SGIP1: variants seen among roughly 807,000 people sequenced by gnomAD.
The protein encoded by SGIP1 is SH3-containing GRB2-like protein 3-interacting protein 1.
SGIP1 carries 38 observed loss-of-function variants against 107.5 expected under a neutral mutation model. That is an observed-to-expected ratio of 0.35 (90% CI 0.27 to 0.46). The LOEUF (loss-of-function observed/expected upper bound fraction) is 0.46. SGIP1 is among the 20% of genes least tolerant of loss of function. The pLI, the probability that SGIP1 is intolerant of heterozygous loss-of-function variation, is 1.00. For synonymous variants in SGIP1, 365 were observed against 366.1 expected (o/e 1.00, Z 0.03); for missense variants, 929 against 1,019.5 (o/e 0.91, Z 1.21).
intron 19 of SGIP1, among the ~76,000 whole-genome samples, chr1:66,726,378 C>G (rs74085066): frequency 0.012 from 1,846 of 152,124 alleles, 40 homozygotes; most frequent in African/African-American, 0.042. Flanking sequence ...GACATTGACA[C>G]GGTGATTATA....
chr1:66,684,720 T>G (rs190903316), intron 15 of SGIP1, among the ~76,000 whole-genome samples: 38 of 152,342 alleles, frequency 2.5e-4, no homozygotes, highest in Non-Finnish European at 1.8e-4. Context: ...TTCATAAAGC[T>G]CTCGAAGATA....
At chr1:66,597,909 A>G (rs2065028885) in intron 1 of SGIP1, among the ~76,000 whole-genome samples, 1 of 152,182 alleles carries the variant, frequency 6.6e-6, no homozygotes, top group South Asian at 2.1e-4. Flanking sequence ...GTAATTTTGC[A>G]TTAAAATACA....
At chr1:66,681,781 A>G (rs1440516964) in intron 14 of SGIP1, 88 bp from the exon 15 acceptor site, 19 of 1,384,800 alleles carry the variant, frequency 1.4e-5, no homozygotes, top group Admixed American at 2.1e-5. Context: ...TCAGACACCA[A>G]TGTATTTTCC....
chr1:66,646,850 T>C (rs2077758834), intron 7 of SGIP1, among the ~76,000 whole-genome samples: 1 of 152,158 alleles, frequency 6.6e-6, no homozygotes, highest in South Asian at 2.1e-4. Flanking sequence ...AGAAATAAAA[T>C]ATAATGTTGG....
At chr1:66,688,379 G>A (rs2088995428) in intron 15 of SGIP1, among the ~76,000 whole-genome samples, 1 of 152,222 alleles carries the variant, frequency 6.6e-6, no homozygotes, top group Admixed American at 6.5e-5. Flanking sequence ...TGATGTGCAT[G>A]CCAGCCTCTG....
At chr1:66,679,900 T>A (rs1012783717) in intron 14 of SGIP1, 148 bp downstream of exon 14, 2 of 647,408 alleles carry the variant, frequency 3.1e-6, no homozygotes, top group South Asian at 3.8e-5. Flanking sequence ...GAATTTCTTA[T>A]GCAGACTTAT....
intron 3 of SGIP1, 150 bp from the exon 4 acceptor site, chr1:66,635,794 C>A: frequency 5.4e-6 from 4 of 736,732 alleles, no homozygotes; most frequent in Non-Finnish European, 8.8e-6. Context: ...GCTTAAGGAA[C>A]CCTGCCAAGA....
intron 18 of SGIP1, among the ~76,000 whole-genome samples, chr1:66,701,295 T>C (rs2091874959): frequency 6.6e-6 from 1 of 152,022 alleles, no homozygotes. Flanking sequence ...AAGTGGGAGG[T>C]GTTTGCTAAT....
upstream of SGIP1, chr1:66,533,699 A>C: frequency 6.6e-6 from 1 of 152,606 alleles, no homozygotes; most frequent in East Asian, 1.9e-4. Context: ...ATGGGAGCTT[A>C]GAAGTGTGTT....
chr1:66,658,134 T>G lies in SGIP1; in HGVS notation c.460-2379T>G, dbSNP rs2149661797. On this transcript the variant is annotated intron_variant, in intron 7 of 24. Transcript: ENST00000371037. ...ATTTGTGTGTTCATGTTTAGTCTTC[T>G]GATTTTAATTAAATAAGATGCATTT... 1.3e-5 allele frequency among the ~76,000 whole-genome samples: 2 copies of G among 152,340 alleles called. 1 individual carries two copies. Among genetic ancestry groups the G allele is most frequent in the Admixed American group, 1.3e-4 (2 of 15,298 alleles).
chr1:66,643,503 C>A lies in SGIP1; in HGVS notation c.284-41C>A. The A allele has an allele frequency of 1.9e-6, 3 of 1,553,022 alleles. No homozygotes were observed. In the Admixed American group the frequency reaches 6.0e-5, roughly 31 times the overall value. On this transcript the variant is annotated intron_variant, in intron 6 of 24. Coordinates refer to ENST00000371037, the MANE Select transcript of SGIP1 (RefSeq NM_032291.4). ...GCTCTTGTCTTGGAGTCGTTGCCTC[C>A]CAGTAGAAGAAAGAGTTATGTATCT...
intron 2 of SGIP1, among the ~76,000 whole-genome samples, chr1:66,631,044 GAAGAAAGAAAGAAAGAAAGAAAGAAAGA>G (rs373346734): frequency 8.8e-5 from 9 of 102,624 alleles, no homozygotes; most frequent in South Asian, 4.2e-4. Flanking sequence ...AGGAAGAAAG[GAAGAAAGAAAGAAAGAAAGAAAGAAAGA>G]AAGAAAGAAA....
intron 7 of SGIP1, among the ~76,000 whole-genome samples, chr1:66,652,291 T>C (rs1328354904): frequency 6.6e-6 from 1 of 152,168 alleles, no homozygotes; most frequent in African/African-American, 2.4e-5. Flanking sequence ...CAGCTTTGCT[T>C]TCCTTTTCCT....
At chr1:66,721,315 A>C (rs1295015038) in intron 19 of SGIP1, among the ~76,000 whole-genome samples, 2 of 152,246 alleles carry the variant, frequency 1.3e-5, no homozygotes, top group African/African-American at 4.8e-5. Flanking sequence ...CTGTTATTCC[A>C]GTTCTAAGAA....
intron 1 of SGIP1, among the ~76,000 whole-genome samples, chr1:66,534,786 C>T (rs566260058): frequency 6.6e-6 from 1 of 152,292 alleles, no homozygotes; most frequent in African/African-American, 2.4e-5. Flanking sequence ...CAGAGTTATC[C>T]ATACAGACAT....
chr1:66,684,984 T>C (rs2087828741), intron 15 of SGIP1, among the ~76,000 whole-genome samples: 1 of 152,218 alleles, frequency 6.6e-6, no homozygotes, highest in Admixed American at 6.5e-5. Context: ...TGTGAATAAA[T>C]AAAACTCTGC....
At chr1:66,712,565 T>C (rs1053490799) in intron 18 of SGIP1, among the ~76,000 whole-genome samples, 1 of 152,188 alleles carries the variant, frequency 6.6e-6, no homozygotes, top group African/African-American at 2.4e-5. Flanking sequence ...TTTTGCTTTT[T>C]TTCTCTTTCC....
At chr1:66,632,184 G>T (rs984084950) in intron 2 of SGIP1, among the ~76,000 whole-genome samples, 5 of 152,170 alleles carry the variant, frequency 3.3e-5, no homozygotes, top group African/African-American at 1.2e-4. Context: ...ATTTAAACTG[G>T]CTTAGAGAGG....
At chr1:66,598,033 T>A (rs924260444) in intron 1 of SGIP1, among the ~76,000 whole-genome samples, 1 of 151,810 alleles carries the variant, frequency 6.6e-6, no homozygotes, top group African/African-American at 2.4e-5. Flanking sequence ...GAAAAATGAG[T>A]TCTCCTGGGC....
Sources: allele counts gnomAD v4.1 joint callset (sites outside exome capture counted in the v4.1 genomes callset), GRCh38; gene constraint gnomAD v4.1.1; transcripts MANE v1.5; gene names NCBI Gene and HGNC (gene_info 2026-07-23, HGNC 2026-07-21).